Variants in ATP6V1G1 observed in about 807,000 individuals in gnomAD.
ATP6V1G1 encodes V-type proton ATPase subunit G 1.
A neutral mutation model predicts 14.2 loss-of-function variants in ATP6V1G1; 14 were observed. The observed-to-expected ratio is 0.99, with a 90% CI of 0.65 to 1.55. The LOEUF is 1.55. ATP6V1G1 is among the 40% of genes most tolerant of loss of function. ATP6V1G1 has a pLI of 0.00. For synonymous variants in ATP6V1G1, 65 were observed against 53.3 expected (o/e 1.22, Z -0.96); for missense variants, 137 against 146.4 (o/e 0.94, Z 0.33).
chr9:114,596,797 A>G (rs550270982), intron 2 of ATP6V1G1, among the ~76,000 whole-genome samples: 267 of 152,072 alleles, frequency 1.8e-3, no homozygotes, highest in Non-Finnish European at 3.0e-3. Flanking sequence ...AAAACCTTGT[A>G]TCTCCCCACA....
At chr9:114,588,336 C>T (rs868683058) in intron 1 of ATP6V1G1, among the ~76,000 whole-genome samples, 3 of 151,900 alleles carry the variant, frequency 2.0e-5, no homozygotes, top group Admixed American at 6.6e-5. Flanking sequence ...AGTCAGTCGC[C>T]AAGGCTTGCG....
rs917264211 is a variant in ATP6V1G1, at chr9:114,597,484, A to C, written c.184-86A>C. 2.1e-5 allele frequency: 29 copies of C among 1,358,338 alleles called. No individual in the cohort carries two copies. The South Asian group carries it at 4.8e-4, about 22-fold the overall frequency. The allele number at this position is 1,358,338 out of a possible 1,614,324, so 84.1% of individuals were successfully genotyped here. A position where few individuals can be genotyped will look rare whatever the true frequency, so the allele number is the denominator to read the frequency against. Reference sequence around the variant, plus strand: ...GATAGGTGAGCCTGGGTTTCTCCAAAAGTCAACAAGTAGCTTACGAAATGT... The same window carrying C: ...GATAGGTGAGCCTGGGTTTCTCCAACAGTCAACAAGTAGCTTACGAAATGT... On this transcript the variant is annotated intron_variant, in intron 2 of 2. Coordinates refer to ENST00000374050, the MANE Select transcript of ATP6V1G1 (RefSeq NM_004888.4).
rs1232831744 is a variant in ATP6V1G1 at position 114,597,720 on chromosome 9, G to A, written c.334G>A (p.Glu112Lys). ...FVCDIRPEIHENYRING is the reference protein window; with the variant it reads ...FVCDIRPEIHKNYRING ...CTGTGACATTCGGCCAGAAATCCAT[G>A]AAAACTACCGCATAAATGGATAGAA... Residue 112 changes from glutamate (E) to lysine (K), a missense_variant, in exon 3 of 3, where the codon GAA (glutamate) becomes AAA (lysine). Transcript: ENST00000374050. The A allele has an allele frequency of 1.3e-6, 2 of 1,587,762 alleles. No homozygotes were observed. Among genetic ancestry groups the A allele is most frequent in the Admixed American group, 1.9e-5 (1 of 52,908 alleles).
chr9:114,587,942 C>T (rs754302556), intron 1 of ATP6V1G1, 22 bp downstream of exon 1: 19 of 1,557,098 alleles, frequency 1.2e-5, no homozygotes, highest in Non-Finnish European at 1.6e-5. Flanking sequence ...GGTGGGGCTG[C>T]CCGGCGTGGC....
intron 1 of ATP6V1G1, among the ~76,000 whole-genome samples, chr9:114,592,102 G>C (rs142173434): frequency 1.2e-4 from 18 of 152,300 alleles, no homozygotes; most frequent in Non-Finnish European, 2.1e-4. Context: ...TGGTTCATTA[G>C]TTACATTATA....
intron 1 of ATP6V1G1, among the ~76,000 whole-genome samples, chr9:114,591,806 CTT>C (rs77405360): frequency 3.5e-5 from 5 of 143,636 alleles, no homozygotes; most frequent in Admixed American, 7.0e-5. Flanking sequence ...TAGAACCTCT[CTT>C]TTTTTTTTTT....
Position 114,597,671 on chromosome 9 carries a change from C to G in ATP6V1G1, c.285C>G (p.Val95=). The change falls in exon 3 of 3, where the codon GTC becomes GTG. Residue 95 remains valine, a synonymous_variant. Transcript: ENST00000374050. ...ACTTCCGGCAGAACAGGGATGAAGTCTTGGACAACCTCTTGGCTTTTGTCT... is the reference window on the plus strand; with the variant it reads ...ACTTCCGGCAGAACAGGGATGAAGTGTTGGACAACCTCTTGGCTTTTGTCT... ...QTYFRQNRDE[V]LDNLLAFVCD... 1 of 1,596,370 alleles carries G rather than the reference C, an allele frequency of 6.3e-7. No homozygotes were observed.
At chr9:114,593,572 G>A (rs533113577) in intron 2 of ATP6V1G1, among the ~76,000 whole-genome samples, 3 of 152,162 alleles carry the variant, frequency 2.0e-5, no homozygotes, top group East Asian at 1.9e-4. Context: ...CATAGCTCAC[G>A]GTGACCTGGA....
intron 1 of ATP6V1G1, among the ~76,000 whole-genome samples, chr9:114,589,576 G>C (rs1248544432): frequency 2.0e-5 from 3 of 152,198 alleles, no homozygotes; most frequent in African/African-American, 7.2e-5. Context: ...TTCTTTGAGG[G>C]TGTTGGGAAT....
Position 114,597,831 on chromosome 9 carries a change from T to G in ATP6V1G1, c.*88T>G. 8.2e-7 allele frequency: 1 copy of G among 1,212,956 alleles called. No homozygotes were observed. 75.1% of individuals were successfully genotyped at this position (1,212,956 alleles called of 1,614,324 possible). A position where few individuals can be genotyped will look rare whatever the true frequency, so the allele number is the denominator to read the frequency against. ...CACAGCTCTAGTTACATTCTTATGA[T>G]ATGGCATTAAATTATTTCCATATAT... is the stretch of plus-strand genomic sequence containing the variant. On this transcript the variant is annotated 3_prime_UTR_variant, in exon 3 of 3. Transcript: ENST00000374050.
rs895160317 is a variant in ATP6V1G1, at chr9:114,597,859, T to C, written c.*116T>C. 2.0e-5 allele frequency: 19 copies of C among 971,572 alleles called. No individual in the cohort carries two copies. The highest frequency in any genetic ancestry group is 2.3e-5 in the Non-Finnish European group (17 of 740,032). The allele number at this position is 971,572 out of a possible 1,614,324, so 60.2% of individuals were successfully genotyped here. ...GGCATTAAATTATTTCCATATATTA[T>C]ATAATAGGTCCTTCCACTTTTTGGA... On this transcript the variant is annotated 3_prime_UTR_variant, in exon 3 of 3. Transcript: ENST00000374050.
intron 2 of ATP6V1G1, among the ~76,000 whole-genome samples, chr9:114,596,709 T>G (rs537572745): frequency 6.6e-6 from 1 of 152,258 alleles, no homozygotes; most frequent in South Asian, 2.1e-4. Flanking sequence ...TCCTCCTGCT[T>G]CAGTCTCTCG....
intron 2 of ATP6V1G1, among the ~76,000 whole-genome samples, chr9:114,593,838 C>G (rs566229615): frequency 6.6e-6 from 1 of 152,212 alleles, no homozygotes; most frequent in African/African-American, 2.4e-5. Context: ...CACCTGTAAT[C>G]CCAATACTTT....
chr9:114,596,387 C>CA (rs534296519), intron 2 of ATP6V1G1, among the ~76,000 whole-genome samples: 13,388 of 80,048 alleles, frequency 0.17, 792 homozygotes, highest in Middle Eastern at 0.27. Context: ...GACTCCAACT[C>CA]AAAAAAAAAA....
At position 114,587,823 on chromosome 9, in the gene ATP6V1G1, C is replaced by T; in HGVS notation, c.-16C>T. On this transcript the variant is annotated 5_prime_UTR_variant, in exon 1 of 3. Coordinates refer to ENST00000374050, the MANE Select transcript of ATP6V1G1 (RefSeq NM_004888.4). ...TGCCTTAGGCCGCTTGCCTTGCTCTCAGAATCGCTGCCGCCATGGCTAGTC... is the reference window on the plus strand; with the variant it reads ...TGCCTTAGGCCGCTTGCCTTGCTCTTAGAATCGCTGCCGCCATGGCTAGTC... 6.3e-7 allele frequency: 1 copy of T among 1,577,568 alleles called. No individual in the cohort carries two copies. Among genetic ancestry groups the T allele is most frequent in the Non-Finnish European group, 8.6e-7 (1 of 1,161,518 alleles).
At chr9:114,592,228 TTAATG>T (rs1178972877) in intron 1 of ATP6V1G1, among the ~76,000 whole-genome samples, 1 of 152,230 alleles carries the variant, frequency 6.6e-6, no homozygotes, top group Non-Finnish European at 1.5e-5. Flanking sequence ...CCCTAGATGG[TTAATG>T]TTACTCATTT....
chr9:114,595,330 T>C (rs1237920695), intron 2 of ATP6V1G1, among the ~76,000 whole-genome samples: 3 of 152,180 alleles, frequency 2.0e-5, no homozygotes, highest in Non-Finnish European at 4.4e-5. Context: ...CCCCAGGAGA[T>C]TCCTGTAATA....
At position 114,598,768 on chromosome 9, in the gene ATP6V1G1, A is replaced by G. The variant is rs977755334; in HGVS notation, c.*1025A>G. Among the ~76,000 whole-genome samples the G allele has an allele frequency of 4.6e-5, 7 of 152,188 alleles. No homozygotes were observed. Among genetic ancestry groups the G allele is most frequent in the Non-Finnish European group, 5.9e-5 (4 of 68,040 alleles). Reference sequence around the variant, plus strand: ...ATGTCCTGTGGCCATCTTAGCCGAAAGTCTTTGGTTGCAAAATCTTATAGG... The same window carrying G: ...ATGTCCTGTGGCCATCTTAGCCGAAGGTCTTTGGTTGCAAAATCTTATAGG... On this transcript the variant is annotated 3_prime_UTR_variant, in exon 3 of 3. Transcript: ENST00000374050.
chr9:114,590,466 A>T (rs1845172451), intron 1 of ATP6V1G1, among the ~76,000 whole-genome samples: 1 of 151,876 alleles, frequency 6.6e-6, no homozygotes, highest in Admixed American at 6.6e-5. Flanking sequence ...TAAATAAAAA[A>T]ATAAATTTTT....
Sources: allele counts gnomAD v4.1 joint callset (sites outside exome capture counted in the v4.1 genomes callset), GRCh38; gene constraint gnomAD v4.1.1; transcripts MANE v1.5; gene names NCBI Gene and HGNC (gene_info 2026-07-23, HGNC 2026-07-21).